The following ENOX1 variants were observed in gnomAD, a reference collection of about 807,000 sequenced individuals.
The protein encoded by ENOX1 is ecto-NOX disulfide-thiol exchanger 1.
Under a neutral mutation model 82.5 loss-of-function variants are expected in ENOX1, and 42 were observed. The ratio of observed to expected loss-of-function variants is 0.51; its 90% CI spans 0.40 to 0.66. ENOX1 has a LOEUF of 0.66. Ranked by LOEUF, ENOX1 falls within the 30% of genes least tolerant of loss-of-function variation. ENOX1 has a pLI of 0.00. For missense variants in ENOX1, 608 were observed against 811.6 expected (o/e 0.75, Z 3.05); for synonymous variants, 271 against 282.2 (o/e 0.96, Z 0.40).
intron 5 of ENOX1, among the ~76,000 whole-genome samples, chr13:43,405,364 G>C (rs1323156): frequency 1.3e-5 from 2 of 151,942 alleles, no homozygotes; most frequent in African/African-American, 2.4e-5. Context: ...TCCCCAGGGC[G>C]TCAACAACCA....
rs78540329 is a variant in ENOX1 at position 43,643,937 on chromosome 13, C to T, written c.-219+23542G>A. On this transcript the variant is annotated intron_variant, in intron 2 of 16. Transcript: ENST00000690772. ...TAATTTCACTAAATATTATTCTGCT[C>T]ATTGTGCTTTCTCATTCCATTCCTA... Among the ~76,000 whole-genome samples, 3 of 152,220 alleles carry T rather than the reference C, an allele frequency of 2.0e-5. No homozygotes were observed. In the South Asian group the frequency reaches 6.2e-4, roughly 32 times the overall value.
At chr13:43,227,720 G>T (rs2042089740) in intron 15 of ENOX1, among the ~76,000 whole-genome samples, 1 of 152,114 alleles carries the variant, frequency 6.6e-6, no homozygotes, top group Non-Finnish European at 1.5e-5. Context: ...TTTTAGGAGG[G>T]TATTCAGAAC....
intron 3 of ENOX1, among the ~76,000 whole-genome samples, chr13:43,414,475 A>T (rs12585672): frequency 0.52 from 78,656 of 152,102 alleles, 25,427 homozygotes; most frequent in Non-Finnish European, 0.73. Flanking sequence ...CAATTATCTT[A>T]GGCTATGGGT....
intron 1 of ENOX1, among the ~76,000 whole-genome samples, chr13:43,702,728 A>G (rs2086976948): frequency 6.6e-6 from 1 of 152,014 alleles, no homozygotes; most frequent in Non-Finnish European, 1.5e-5. Context: ...AGGTGGGTGG[A>G]TCACTTGAGG....
intron 3 of ENOX1, among the ~76,000 whole-genome samples, chr13:43,417,618 T>C (rs1423264809): frequency 1.3e-5 from 2 of 152,166 alleles, no homozygotes; most frequent in Admixed American, 6.5e-5. Context: ...TTCTAAACTA[T>C]AGAAAAGATT....
intron 1 of ENOX1, among the ~76,000 whole-genome samples, chr13:43,688,146 G>A (rs570059216): frequency 6.6e-6 from 1 of 152,116 alleles, no homozygotes; most frequent in Non-Finnish European, 1.5e-5. Flanking sequence ...TTTTGGGAGA[G>A]AGACCTGGGT....
intron 5 of ENOX1, among the ~76,000 whole-genome samples, chr13:43,393,905 T>TC (rs1332504827): frequency 6.6e-6 from 1 of 152,174 alleles, no homozygotes; most frequent in African/African-American, 2.4e-5. Flanking sequence ...AGCCCCTTCC[T>TC]GTGGTAATGA....
At chr13:43,376,658 C>T (rs1054279378) in intron 5 of ENOX1, among the ~76,000 whole-genome samples, 5 of 152,178 alleles carry the variant, frequency 3.3e-5, no homozygotes, top group African/African-American at 1.2e-4. Flanking sequence ...CAGATTATAA[C>T]AGAAAGTCAT....
chr13:43,753,980 G>A (rs1054752702), intron 1 of ENOX1, among the ~76,000 whole-genome samples: 7 of 134,532 alleles, frequency 5.2e-5, no homozygotes, highest in African/African-American at 9.4e-5. Context: ...TTTCTTCTAC[G>A]TATCTACGTG....
intron 5 of ENOX1, among the ~76,000 whole-genome samples, chr13:43,390,011 T>C (rs759134824): frequency 1.3e-5 from 2 of 152,182 alleles, no homozygotes; most frequent in Non-Finnish European, 2.9e-5. Flanking sequence ...AAATATAAGA[T>C]ACAGTGTGAG....
At chr13:43,348,955 G>A (rs1202023567) in intron 8 of ENOX1, among the ~76,000 whole-genome samples, 2 of 152,164 alleles carry the variant, frequency 1.3e-5, no homozygotes, top group Non-Finnish European at 1.5e-5. Context: ...AGAAGCTTGT[G>A]CATAGTATAT....
chr13:43,253,227 A>G (rs1005204184), intron 14 of ENOX1, among the ~76,000 whole-genome samples: 11 of 152,236 alleles, frequency 7.2e-5, no homozygotes, highest in Non-Finnish European at 1.3e-4. Flanking sequence ...AAGGGCTGAC[A>G]CGCAGGGCAC....
At chr13:43,783,696 T>C (rs1384733647) in intron 1 of ENOX1, among the ~76,000 whole-genome samples, 1 of 152,146 alleles carries the variant, frequency 6.6e-6, no homozygotes, top group Non-Finnish European at 1.5e-5. Flanking sequence ...GTTTAATGAG[T>C]GAAAAGGGAA....
chr13:43,381,654 A>G (rs2052057155), intron 5 of ENOX1, among the ~76,000 whole-genome samples: 1 of 151,876 alleles, frequency 6.6e-6, no homozygotes, highest in East Asian at 1.9e-4. Context: ...AGGAAAGCAG[A>G]GAAGATACAA....
intron 2 of ENOX1, among the ~76,000 whole-genome samples, chr13:43,492,294 C>T (rs2076646606): frequency 6.6e-6 from 1 of 152,176 alleles, no homozygotes; most frequent in African/African-American, 2.4e-5. Context: ...GTTGAGATGA[C>T]TACAGGCCTG....
intron 3 of ENOX1, among the ~76,000 whole-genome samples, chr13:43,431,388 T>C (rs1025989984): frequency 3.3e-5 from 5 of 152,210 alleles, no homozygotes; most frequent in African/African-American, 9.6e-5. Flanking sequence ...CTCCCTCACC[T>C]GGGCCCTTCT....
At chr13:43,534,076 G>A (rs2078347542) in intron 2 of ENOX1, among the ~76,000 whole-genome samples, 1 of 152,110 alleles carries the variant, frequency 6.6e-6, no homozygotes. Context: ...ATTTGCACTG[G>A]CTTTTACTGT....
intron 2 of ENOX1, among the ~76,000 whole-genome samples, chr13:43,651,068 G>C (rs183000915): frequency 6.6e-6 from 1 of 152,114 alleles, no homozygotes; most frequent in Non-Finnish European, 1.5e-5. Context: ...TGTGGCTTCC[G>C]TGTTTCTATG....
At chr13:43,480,250 A>G (rs535771641) in intron 3 of ENOX1, among the ~76,000 whole-genome samples, 11 of 152,262 alleles carry the variant, frequency 7.2e-5, no homozygotes, top group African/African-American at 2.4e-4. Context: ...GTTACTAAAC[A>G]TTCTAAACAT....
Sources: allele counts gnomAD v4.1 joint callset (sites outside exome capture counted in the v4.1 genomes callset), GRCh38; gene constraint gnomAD v4.1.1; transcripts MANE v1.5; gene names NCBI Gene and HGNC (gene_info 2026-07-23, HGNC 2026-07-21).